MRM1: variants seen among roughly 807,000 people sequenced by gnomAD.
The protein encoded by MRM1 is rRNA methyltransferase 1, mitochondrial.
A neutral mutation model predicts 25.0 loss-of-function variants in MRM1; 24 were observed. The observed-to-expected ratio is 0.96, with a 90% CI of 0.69 to 1.35. The LOEUF is 1.35. MRM1 is among the 40% of genes most tolerant of loss of function. The pLI, the probability that MRM1 is intolerant of heterozygous loss-of-function variation, is 0.00. For synonymous variants in MRM1, 188 were observed against 199.2 expected (o/e 0.94, Z 0.47); for missense variants, 431 against 464.1 (o/e 0.93, Z 0.65).
chr17:36,608,162 G>A lies in MRM1; in HGVS notation c.890-81G>A, dbSNP rs553858665. 3 of 1,519,316 alleles carry A rather than the reference G, an allele frequency of 2.0e-6. No individual in the cohort carries two copies. The African/African-American group carries it at 4.1e-5, about 21-fold the overall frequency. The allele number at this position is 1,519,316 out of a possible 1,614,324, so 94.1% of individuals were successfully genotyped here. A position where few individuals can be genotyped will look rare whatever the true frequency, so the allele number is the denominator to read the frequency against. On this transcript the variant is annotated intron_variant, in intron 4 of 4. Transcript: ENST00000614766. ...GGAAATTACATCCCGTTGATGAGAT[G>A]AGGGGCTGCCTGAATGTCTAGGTCT...
rs747651117 is a variant in MRM1 at position 36,607,951 on chromosome 17, C to T, written c.822C>T (p.Leu274=). ...AGGTGCAGGCCTCCTGCCAGCTTCT[C>T]CTCACCATCCTGCCCCGGCGCCAGC... is the stretch of plus-strand genomic sequence containing the variant. ...SQEVQASCQL[L]LTILPRRQLP... is the part of the protein sequence containing the mutation. The change falls in exon 4 of 5, where the codon CTC becomes CTT. Residue 274 remains leucine, a synonymous_variant. Coordinates refer to ENST00000614766, the MANE Select transcript of MRM1 (RefSeq NM_024864.5). 1 of 1,614,188 alleles carries T rather than the reference C, an allele frequency of 6.2e-7. No homozygotes were observed. The highest frequency in any genetic ancestry group is 8.5e-7 in the Non-Finnish European group (1 of 1,180,038).
At chr17:36,604,988 A>T (rs759540078) in intron 2 of MRM1, among the ~76,000 whole-genome samples, 4 of 151,352 alleles carry the variant, frequency 2.6e-5, no homozygotes, top group Admixed American at 6.6e-5. Flanking sequence ...AAAAATACAA[A>T]AATTACCTGG....
At chr17:36,625,333 T>G in the MRM1 span, among the ~76,000 whole-genome samples, 2,097 of 151,814 alleles carry the variant, frequency 0.014, 40 homozygotes, top group African/African-American at 0.043. Context: ...CTTCTCCTTC[T>G]CCTTCGCCTT....
At chr17:36,608,054 C>T (rs2074947384) in intron 4 of MRM1, 36 bp downstream of exon 4, 13 of 1,607,846 alleles carry the variant, frequency 8.1e-6, no homozygotes, top group Non-Finnish European at 1.0e-5. Context: ...CTCTATCCCT[C>T]TAATCACGCA....
the MRM1 span, among the ~76,000 whole-genome samples, chr17:36,627,571 G>A: frequency 2.6e-5 from 4 of 151,614 alleles, no homozygotes; most frequent in Admixed American, 6.6e-5. Flanking sequence ...AATATTAATC[G>A]TGTCCCACCA....
downstream of MRM1, among the ~76,000 whole-genome samples, chr17:36,613,632 G>A (rs550772386): frequency 3.3e-5 from 5 of 152,200 alleles, no homozygotes; most frequent in Admixed American, 3.3e-4. Context: ...GAAGCGGAGA[G>A]CAGGGAAAGC....
chr17:36,621,710 T>C, the MRM1 span, among the ~76,000 whole-genome samples: 1 of 152,156 alleles, frequency 6.6e-6, no homozygotes, highest in Non-Finnish European at 1.5e-5. Flanking sequence ...CAACTACCCC[T>C]GCAGCTACGC....
chr17:36,632,827 T>C, the MRM1 span, among the ~76,000 whole-genome samples: 43 of 152,134 alleles, frequency 2.8e-4, no homozygotes, highest in Non-Finnish European at 5.7e-4. Context: ...AGTTTCTCAG[T>C]GGGCTCAGAC....
downstream of MRM1, among the ~76,000 whole-genome samples, chr17:36,613,205 C>T (rs1468710265): frequency 6.6e-6 from 1 of 152,034 alleles, no homozygotes; most frequent in Non-Finnish European, 1.5e-5. Context: ...TCCCCCTCCC[C>T]CTAGGTTGGG....
At chr17:36,603,259 A>G (rs866256134) in intron 2 of MRM1, 6 of 981,140 alleles carry the variant, frequency 6.1e-6, no homozygotes, top group Non-Finnish European at 4.8e-6. Flanking sequence ...AACGCTGTCC[A>G]ATAAAAATAT....
Position 36,601,870 on chromosome 17 carries a change from C to T in MRM1, c.60C>T (p.Phe20=). 1 of 1,605,750 alleles carries T rather than the reference C, an allele frequency of 6.2e-7. No homozygotes were observed. The highest frequency in any genetic ancestry group is 8.5e-7 in the Non-Finnish European group (1 of 1,177,498). ...ATWGRLVTRH[F]SHAARHGERP... ...GGGGTCGCCTCGTCACCCGTCATTT[C>T]TCCCATGCAGCGCGGCATGGGGAGC... is the stretch of plus-strand genomic sequence containing the variant. Residue 20 remains phenylalanine, a synonymous_variant, in exon 1 of 5, where the codon TTC becomes TTT. Coordinates refer to ENST00000614766, the MANE Select transcript of MRM1 (RefSeq NM_024864.5).
the MRM1 span, among the ~76,000 whole-genome samples, chr17:36,622,613 A>C: frequency 6.6e-6 from 1 of 151,878 alleles, no homozygotes; most frequent in Admixed American, 6.6e-5. Flanking sequence ...TGGGGGCATC[A>C]TTTCAAACCT....
intron 4 of MRM1, 106 bp from the exon 5 acceptor site, chr17:36,608,137 G>A (rs2074947938): frequency 4.6e-6 from 7 of 1,526,832 alleles, no homozygotes; most frequent in Non-Finnish European, 4.4e-6. Flanking sequence ...TACAAAATGG[G>A]GAAATTACAT....
downstream of MRM1, among the ~76,000 whole-genome samples, chr17:36,610,823 T>A (rs1021666981): frequency 1.3e-5 from 2 of 152,166 alleles, no homozygotes; most frequent in African/African-American, 4.8e-5. Context: ...TTTTATTTTT[T>A]CTTTTTTTGA....
the MRM1 span, chr17:36,634,608 T>C: frequency 6.6e-6 from 1 of 152,220 alleles, no homozygotes; most frequent in Non-Finnish European, 1.5e-5. Context: ...TGTTGATGGA[T>C]CATTTTGTTT....
chr17:36,619,667 G>GA, the MRM1 span, among the ~76,000 whole-genome samples: 252 of 129,748 alleles, frequency 1.9e-3, 1 homozygote, highest in East Asian at 8.1e-3. Context: ...GTCTCAAAAA[G>GA]AAAAAAAAAA....
the MRM1 span, among the ~76,000 whole-genome samples, chr17:36,626,139 C>T: frequency 6.6e-6 from 1 of 152,194 alleles, no homozygotes; most frequent in Non-Finnish European, 1.5e-5. Context: ...CCCCCGGACC[C>T]ATCCTGCCTC....
downstream of MRM1, among the ~76,000 whole-genome samples, chr17:36,613,353 T>G (rs749858481): frequency 7.2e-5 from 11 of 152,274 alleles, no homozygotes; most frequent in South Asian, 8.3e-4. Flanking sequence ...ACCTTGAGGT[T>G]TCTCACTTCC....
intron 2 of MRM1, among the ~76,000 whole-genome samples, chr17:36,604,590 A>C (rs1484806662): frequency 1.3e-5 from 2 of 151,040 alleles, no homozygotes; most frequent in African/African-American, 2.4e-5. Context: ...GCAGATCATG[A>C]GGTCAGGAGA....
Sources: allele counts gnomAD v4.1 joint callset (sites outside exome capture counted in the v4.1 genomes callset), GRCh38; gene constraint gnomAD v4.1.1; transcripts MANE v1.5; gene names NCBI Gene and HGNC (gene_info 2026-07-23, HGNC 2026-07-21).